Variants in MX2 observed in about 807,000 individuals in gnomAD.
The protein encoded by MX2 is interferon-induced GTP-binding protein Mx2.
In MX2, 51 loss-of-function variants were observed where a neutral mutation model predicts 74.0. The observed-to-expected ratio is 0.69, with a 90% confidence interval of 0.55 to 0.87. The LOEUF (loss-of-function observed/expected upper bound fraction) is 0.87. MX2 is among the 40% of genes least tolerant of loss of function. MX2 has a pLI of 0.00. For synonymous variants in MX2, 369 were observed against 339.3 expected, an observed-to-expected ratio of 1.09 and a Z score of -0.96; for missense variants, 832 against 908.7, an observed-to-expected ratio of 0.92 and a Z score of 1.09.
intron 1 of MX2, among the ~76,000 whole-genome samples, chr21:41,375,854 G>A (rs754284613): frequency 6.6e-6 from 1 of 152,222 alleles, no homozygotes; most frequent in Non-Finnish European, 1.5e-5. Context: ...GGGGGATACA[G>A]TGTGATCCAG....
chr21:41,379,680 C>A (rs2089461352), intron 3 of MX2, among the ~76,000 whole-genome samples: 1 of 152,294 alleles, frequency 6.6e-6, no homozygotes, highest in Non-Finnish European at 1.5e-5. Context: ...TGGACATGTA[C>A]CGGAGCCCCA....
chr21:41,375,070 G>T (rs530277596), intron 1 of MX2, among the ~76,000 whole-genome samples: 1 of 152,110 alleles, frequency 6.6e-6, no homozygotes, highest in Non-Finnish European at 1.5e-5. Context: ...TTTCCTCTGC[G>T]GGAGAGGCTG....
chr21:41,382,553 A>T lies in MX2; in HGVS notation c.721A>T (p.Ile241Phe). ...GGCTGTGGACAACCAGCCCCGAGAC[A>T]TCGGACTGCAGGTGAGCCCTTCTGG... Reference protein sequence around the residue: ...RVAVDNQPRDIGLQIKALIKK... With the variant: ...RVAVDNQPRDFGLQIKALIKK... The change falls in exon 5 of 14, where the codon ATC becomes TTC. Residue 241 changes from isoleucine to phenylalanine, a missense_variant. Coordinates refer to ENST00000330714, the MANE Select transcript of MX2 (RefSeq NM_002463.2). The T allele has an allele frequency of 6.2e-7, 1 of 1,614,178 alleles. No homozygotes were observed.
intron 5 of MX2, among the ~76,000 whole-genome samples, 186 bp downstream of exon 5, chr21:41,382,750 A>C (rs2089514259): frequency 6.6e-6 from 1 of 152,204 alleles, no homozygotes; most frequent in Non-Finnish European, 1.5e-5. Flanking sequence ...TCACAGAAAA[A>C]AGAGAGTTGG....
intron 2 of MX2, 26 bp from the exon 3 acceptor site, chr21:41,377,763 A>G: frequency 1.3e-6 from 2 of 1,589,968 alleles, no homozygotes; most frequent in African/African-American, 2.7e-5. Flanking sequence ...GGGTCAAGGC[A>G]GTGGCATCTG....
intron 3 of MX2, among the ~76,000 whole-genome samples, chr21:41,379,370 A>C (rs1273525167): frequency 6.6e-6 from 1 of 152,090 alleles, no homozygotes; most frequent in Admixed American, 6.5e-5. Flanking sequence ...CCCCCACCCC[A>C]AGGAACTCAG....
intron 1 of MX2, chr21:41,364,964 T>A (rs528946224): frequency 3.9e-5 from 6 of 152,218 alleles, no homozygotes; most frequent in Non-Finnish European, 5.9e-5. Flanking sequence ...TAATCTCCTT[T>A]GGCAACACCT....
Position 41,408,163 on chromosome 21 carries a change from A to C in MX2, c.2078A>C (p.Lys693Thr), listed in dbSNP as rs756633652. 1.2e-6 allele frequency: 2 copies of C among 1,614,216 alleles called. No homozygotes were observed. Among genetic ancestry groups the C allele is most frequent in the South Asian group, 2.2e-5 (2 of 91,090 alleles). Residue 693 changes from lysine to threonine, a missense_variant, in exon 14 of 14, where the codon AAG becomes ACG. Transcript: ENST00000330714. ...SETATKRRIL[K>T]ERIYRLTQAR... is the part of the protein sequence containing the mutation. ...ACCGCTACCAAGAGAAGAATCCTTA[A>C]GGAGAGAATTTACCGGCTCACTCAG...
At chr21:41,383,993 G>A (rs935339923) in intron 5 of MX2, among the ~76,000 whole-genome samples, 2 of 152,146 alleles carry the variant, frequency 1.3e-5, no homozygotes, top group Non-Finnish European at 2.9e-5. Context: ...GGGACCAGGT[G>A]GGAGGTGATA....
intron 10 of MX2, among the ~76,000 whole-genome samples, chr21:41,400,236 C>T (rs907161941): frequency 2.6e-5 from 4 of 152,182 alleles, no homozygotes; most frequent in South Asian, 2.1e-4. Context: ...CACATGAAAT[C>T]GTTTACCATC....
intron 5 of MX2, among the ~76,000 whole-genome samples, chr21:41,383,077 G>A (rs558660293): frequency 7.9e-5 from 12 of 152,326 alleles, no homozygotes; most frequent in South Asian, 6.2e-4. Context: ...CTAAACATGA[G>A]GCCAGGCACG....
chr21:41,363,993 C>A lies in MX2; in HGVS notation c.-72+1938C>A, dbSNP rs1290626293. On this transcript the variant is annotated intron_variant, in intron 1 of 13. Transcript: ENST00000330714. The surrounding 1 kb of genome is among the most constrained non-coding windows in gnomAD (Gnocchi z 4.2). ...GGCCCCCACAAGGCCTCCAGCATCT[C>A]CCCATGGCCCAGTTTCCTCATCTGC... 6.5e-6 allele frequency: 1 copy of A among 154,770 alleles called. No homozygotes were observed. The highest frequency in any genetic ancestry group is 2.4e-5 in the African/African-American group (1 of 41,530). 9.6% of individuals were successfully genotyped at this position (154,770 alleles called of 1,614,324 possible).
intron 1 of MX2, among the ~76,000 whole-genome samples, chr21:41,367,843 G>C (rs530023718): frequency 3.3e-5 from 5 of 152,092 alleles, no homozygotes; most frequent in African/African-American, 1.2e-4. Context: ...CCTTGGATCC[G>C]TCACCCCCGA....
Position 41,408,146 on chromosome 21 carries a change from C to G in MX2, c.2061C>G (p.Thr687=), listed in dbSNP as rs1465803292. 1 of 1,614,188 alleles carries G rather than the reference C, an allele frequency of 6.2e-7. No individual in the cohort carries two copies. Among genetic ancestry groups the G allele is most frequent in the Non-Finnish European group, 8.5e-7 (1 of 1,180,044 alleles). Residue 687 remains threonine (T), a synonymous_variant, in exon 14 of 14, where the codon ACC becomes ACG. Transcript: ENST00000330714. ...WLLQEQSETA[T]KRRILKERIY... Reference sequence around the variant, plus strand: ...TTCAAGAGCAGAGTGAGACCGCTACCAAGAGAAGAATCCTTAAGGAGAGAA... The same window carrying G: ...TTCAAGAGCAGAGTGAGACCGCTACGAAGAGAAGAATCCTTAAGGAGAGAA...
intron 7 of MX2, among the ~76,000 whole-genome samples, chr21:41,396,902 G>C (rs770633815): frequency 1.3e-5 from 2 of 152,198 alleles, no homozygotes; most frequent in Non-Finnish European, 2.9e-5. Context: ...CTGAGGCCGG[G>C]GGAGGTGCCC....
chr21:41,408,494 A>G lies in MX2; in HGVS notation c.*261A>G, dbSNP rs573456286. The G allele has an allele frequency of 4.3e-6, 2 of 462,336 alleles. No individual in the cohort carries two copies. Among genetic ancestry groups the G allele is most frequent in the East Asian group, 3.5e-5 (1 of 28,182 alleles). 28.6% of individuals were successfully genotyped at this position (462,336 alleles called of 1,614,324 possible). ...CGTAGCACACAGTTACAGTGTCCTA[A>G]GATACTGCTATCATTCTTCGCTAAT... is the stretch of plus-strand genomic sequence containing the variant. On this transcript the variant is annotated 3_prime_UTR_variant, in exon 14 of 14. Coordinates refer to ENST00000330714, the MANE Select transcript of MX2 (RefSeq NM_002463.2).
intron 3 of MX2, 80 bp downstream of exon 3, chr21:41,378,061 TTTTAGA>T (rs2089432847): frequency 1.3e-6 from 2 of 1,485,530 alleles, no homozygotes; most frequent in Non-Finnish European, 1.8e-6. Context: ...CACCAAGAGG[TTTTAGA>T]GACAGGCTGC....
At chr21:41,373,282 T>C (rs910861577) in intron 1 of MX2, among the ~76,000 whole-genome samples, 2 of 152,144 alleles carry the variant, frequency 1.3e-5, no homozygotes, top group African/African-American at 4.8e-5. Flanking sequence ...AGGGGAGCCA[T>C]GGAGCTGAGG....
intron 5 of MX2, among the ~76,000 whole-genome samples, chr21:41,384,322 C>T (rs948258424): frequency 2.0e-5 from 3 of 152,306 alleles, no homozygotes; most frequent in East Asian, 3.9e-4. Flanking sequence ...ATGCAGCTTC[C>T]TCCTGCCACT....
Sources: allele counts gnomAD v4.1 joint callset (sites outside exome capture counted in the v4.1 genomes callset), GRCh38; gene constraint gnomAD v4.1.1; non-coding constraint Gnocchi (gnomAD v3.1); transcripts MANE v1.5; gene names NCBI Gene and HGNC (gene_info 2026-07-23, HGNC 2026-07-21).